The following ARMH3 variants were observed in gnomAD, a reference collection of about 807,000 sequenced individuals.
ARMH3 encodes the protein armadillo-like helical domain-containing protein 3.
ARMH3 carries 60 observed loss-of-function variants against 99.1 expected under a neutral mutation model. The ratio of observed to expected loss-of-function variants is 0.61; its 90% CI spans 0.49 to 0.75. The LOEUF (loss-of-function observed/expected upper bound fraction) is 0.75, where lower values mean the gene tolerates loss of function less well. ARMH3 is among the 30% of genes least tolerant of loss of function. The pLI is 0.00. For missense variants in ARMH3, 679 were observed against 843.1 expected (o/e 0.81, Z 2.41); for synonymous variants, 285 against 292.8 (o/e 0.97, Z 0.27).
At chr10:101,915,684 C>T (rs1486551218) in intron 23 of ARMH3, among the ~76,000 whole-genome samples, 2 of 152,106 alleles carry the variant, frequency 1.3e-5, no homozygotes, top group Non-Finnish European at 2.9e-5. Context: ...GCAAATCTGC[C>T]TTACAAACCC....
intron 23 of ARMH3, among the ~76,000 whole-genome samples, chr10:101,911,249 A>G (rs1452171425): frequency 1.9e-4 from 29 of 152,184 alleles, no homozygotes. Context: ...TTGACACTCT[A>G]TAAGCTGTCA....
chr10:101,913,626 A>T (rs866073864), intron 23 of ARMH3, among the ~76,000 whole-genome samples: 1 of 152,104 alleles, frequency 6.6e-6, no homozygotes, highest in Non-Finnish European at 1.5e-5. Flanking sequence ...TCGGCCTCCC[A>T]AAGTGCTGGG....
At chr10:101,850,447 C>CAA (rs2066571884) in intron 24 of ARMH3, among the ~76,000 whole-genome samples, 1 of 148,184 alleles carries the variant, frequency 6.7e-6, no homozygotes, top group Non-Finnish European at 1.5e-5. Context: ...CTTTTTGAGA[C>CAA]AGAGTCTCAC....
chr10:102,012,082 A>C (rs2066642718), intron 10 of ARMH3, among the ~76,000 whole-genome samples: 1 of 152,208 alleles, frequency 6.6e-6, no homozygotes, highest in Non-Finnish European at 1.5e-5. Context: ...CTATTACTTG[A>C]AAAGTGTGAC....
chr10:102,035,538 C>T (rs1482549556), intron 2 of ARMH3, among the ~76,000 whole-genome samples: 12 of 152,102 alleles, frequency 7.9e-5, no homozygotes, highest in African/African-American at 2.2e-4. Flanking sequence ...GGAGTGCCTG[C>T]GATTGCAGGC....
chr10:102,036,637 G>T (rs1316224278), intron 2 of ARMH3, among the ~76,000 whole-genome samples: 3 of 152,040 alleles, frequency 2.0e-5, no homozygotes, highest in African/African-American at 7.2e-5. Context: ...ATTAAGGGCG[G>T]TGCAAGATGT....
chr10:101,957,341 C>G (rs1023174895), intron 21 of ARMH3, among the ~76,000 whole-genome samples: 1 of 152,230 alleles, frequency 6.6e-6, no homozygotes, highest in Non-Finnish European at 1.5e-5. Flanking sequence ...TATTTACCAA[C>G]ATAGAGACCG....
chr10:101,960,428 A>G (rs1418647931), intron 20 of ARMH3, among the ~76,000 whole-genome samples: 1 of 152,162 alleles, frequency 6.6e-6, no homozygotes, highest in East Asian at 1.9e-4. Context: ...GCTTTGACAT[A>G]GCTGATTATA....
intron 7 of ARMH3, 25 bp from the exon 8 acceptor site, chr10:102,023,588 G>A: frequency 1.2e-6 from 2 of 1,611,362 alleles, no homozygotes; most frequent in Non-Finnish European, 1.7e-6. Flanking sequence ...AAAAATGCAT[G>A]AGACTGCTAA....
intron 5 of ARMH3, among the ~76,000 whole-genome samples, chr10:102,028,357 G>A (rs550191606): frequency 5.3e-5 from 8 of 152,036 alleles, no homozygotes; most frequent in South Asian, 2.1e-4. Flanking sequence ...AAGACCAGCT[G>A]GGTCAACATA....
intron 20 of ARMH3, among the ~76,000 whole-genome samples, chr10:101,961,528 C>T (rs1028294562): frequency 6.6e-6 from 1 of 151,988 alleles, no homozygotes; most frequent in Non-Finnish European, 1.5e-5. Context: ...TATTATGGAC[C>T]GAGCTTTGCA....
intron 23 of ARMH3, among the ~76,000 whole-genome samples, chr10:101,939,602 T>C (rs1261001620): frequency 2.0e-5 from 3 of 152,140 alleles, no homozygotes; most frequent in Non-Finnish European, 4.4e-5. Context: ...CTCTGGCAAC[T>C]AGCATGCCTG....
intron 24 of ARMH3, among the ~76,000 whole-genome samples, chr10:101,881,041 T>G (rs1297502923): frequency 6.6e-6 from 1 of 152,242 alleles, no homozygotes; most frequent in Non-Finnish European, 1.5e-5. Context: ...TAACCTTCAC[T>G]CATTCAGATA....
chr10:101,878,483 A>T (rs2067324489), intron 24 of ARMH3, among the ~76,000 whole-genome samples: 1 of 151,770 alleles, frequency 6.6e-6, no homozygotes, highest in East Asian at 1.9e-4. Context: ...CTATCAAAAA[A>T]AAAAAAATAG....
At chr10:102,018,456 G>T (rs559229715) in intron 8 of ARMH3, among the ~76,000 whole-genome samples, 1 of 152,332 alleles carries the variant, frequency 6.6e-6, no homozygotes, top group South Asian at 2.1e-4. Context: ...GATACACAGT[G>T]ATGTGCTGCA....
chr10:101,957,522 C>A, intron 21 of ARMH3, 128 bp downstream of exon 21: 1 of 1,051,074 alleles, frequency 9.5e-7, no homozygotes. Flanking sequence ...GATTCGGATC[C>A]AAAAAATATA....
intron 20 of ARMH3, among the ~76,000 whole-genome samples, chr10:101,960,906 AAAG>A (rs1230210410): frequency 3.3e-5 from 5 of 151,832 alleles, no homozygotes; most frequent in Admixed American, 2.0e-4. Flanking sequence ...AAAAAAAAAA[AAAG>A]AAGATTAAAC....
chr10:102,032,903 C>T (rs2067165225), intron 4 of ARMH3, 123 bp downstream of exon 4: 2 of 1,109,794 alleles, frequency 1.8e-6, no homozygotes, highest in Non-Finnish European at 1.3e-6. Context: ...TATTTGGTAA[C>T]TTACAGAAAT....
At chr10:101,923,124 G>C (rs1843368296) in intron 23 of ARMH3, among the ~76,000 whole-genome samples, 1 of 152,154 alleles carries the variant, frequency 6.6e-6, no homozygotes. Flanking sequence ...ACTCCAGGGA[G>C]AAATGTATAA....
Sources: allele counts gnomAD v4.1 joint callset (sites outside exome capture counted in the v4.1 genomes callset), GRCh38; gene constraint gnomAD v4.1.1; transcripts MANE v1.5; gene names NCBI Gene and HGNC (gene_info 2026-07-23, HGNC 2026-07-21).